LRFN5: variants seen among roughly 807,000 people sequenced by gnomAD.
The protein encoded by LRFN5 is leucine-rich repeat and fibronectin type-III domain-containing protein 5.
In LRFN5, 24 loss-of-function variants were observed where a neutral mutation model predicts 45.6. That is an observed-to-expected ratio of 0.53 (90% CI 0.38 to 0.74). LRFN5 has a LOEUF of 0.74. Among genes scored for constraint, LRFN5 ranks in the 30% least tolerant of loss-of-function variants. The pLI is 0.00. For missense variants in LRFN5, 776 were observed against 861.5 expected, an observed-to-expected ratio of 0.90 and a Z score of 1.24; for synonymous variants, 340 against 313.8, an observed-to-expected ratio of 1.08 and a Z score of -0.88.
intron 2 of LRFN5, among the ~76,000 whole-genome samples, chr14:41,839,441 G>A (rs1888782454): frequency 6.6e-6 from 1 of 152,068 alleles, no homozygotes; most frequent in Non-Finnish European, 1.5e-5. Flanking sequence ...TTTCAATAAT[G>A]ATGACTGCAT....
At chr14:41,689,751 C>T (rs1414798173) in intron 1 of LRFN5, among the ~76,000 whole-genome samples, 6 of 150,094 alleles carry the variant, frequency 4.0e-5, no homozygotes, top group Admixed American at 6.6e-5. Flanking sequence ...AAAAATTAGC[C>T]GGGCGTGATG....
chr14:41,858,943 G>A (rs1198173560), intron 2 of LRFN5, among the ~76,000 whole-genome samples: 1 of 152,190 alleles, frequency 6.6e-6, no homozygotes, highest in Non-Finnish European at 1.5e-5. Context: ...CTGCCCTGGA[G>A]TAATGGTCTA....
At chr14:41,720,311 C>G (rs1413948257) in intron 1 of LRFN5, among the ~76,000 whole-genome samples, 1 of 152,052 alleles carries the variant, frequency 6.6e-6, no homozygotes, top group Non-Finnish European at 1.5e-5. Context: ...TGTATATGTA[C>G]CACATTTTCT....
chr14:41,636,321 T>G (rs1208009132), intron 1 of LRFN5, among the ~76,000 whole-genome samples: 1 of 152,188 alleles, frequency 6.6e-6, no homozygotes, highest in Non-Finnish European at 1.5e-5. Context: ...CATTAGAATT[T>G]AGCAATTAGG....
chr14:41,747,377 C>A (rs1884963728), intron 1 of LRFN5, among the ~76,000 whole-genome samples: 1 of 151,926 alleles, frequency 6.6e-6, no homozygotes, highest in East Asian at 1.9e-4. Flanking sequence ...TAGAAACAAA[C>A]CCTTGCATGT....
intron 1 of LRFN5, among the ~76,000 whole-genome samples, chr14:41,729,636 A>C (rs1884083795): frequency 6.6e-6 from 1 of 151,956 alleles, no homozygotes; most frequent in Admixed American, 6.6e-5. Context: ...GTAATTTCAA[A>C]CCTTTTAAAA....
chr14:41,831,727 G>A (rs1309335038), intron 2 of LRFN5, among the ~76,000 whole-genome samples: 3 of 152,094 alleles, frequency 2.0e-5, no homozygotes, highest in Non-Finnish European at 4.4e-5. Context: ...TATGGCTCAA[G>A]GTAGTATTTG....
chr14:41,779,427 T>C (rs1886406279), intron 2 of LRFN5, among the ~76,000 whole-genome samples: 1 of 151,884 alleles, frequency 6.6e-6, no homozygotes, highest in Admixed American at 6.6e-5. Context: ...AGTTGGTCTA[T>C]AGATTTCCAT....
chr14:41,685,153 T>C (rs1882064933), intron 1 of LRFN5, among the ~76,000 whole-genome samples: 1 of 152,088 alleles, frequency 6.6e-6, no homozygotes, highest in Admixed American at 6.6e-5. Flanking sequence ...ATAACAAATG[T>C]AGTGAGGATG....
Position 41,709,942 on chromosome 14 carries a change from A to G in LRFN5, c.-196-56912A>G, listed in dbSNP as rs1883216858. Among the ~76,000 whole-genome samples, 3 of 152,074 alleles carry G rather than the reference A, an allele frequency of 2.0e-5. No individual in the cohort carries two copies. The South Asian group carries it at 6.2e-4, about 31-fold the overall frequency. On this transcript the variant is annotated intron_variant, in intron 1 of 5. Coordinates refer to ENST00000298119, the MANE Select transcript of LRFN5 (RefSeq NM_152447.5). ...TACCTAAATAAACAACCACCATCAA[A>G]TAAAAAGCATCAAACAATAATATTG... is the stretch of plus-strand genomic sequence containing the variant.
chr14:41,857,954 A>G (rs1336470845), intron 2 of LRFN5, among the ~76,000 whole-genome samples: 2 of 152,354 alleles, frequency 1.3e-5, no homozygotes, highest in South Asian at 2.1e-4. Flanking sequence ...GGCCAGGGTG[A>G]ATGGAATGTA....
intron 1 of LRFN5, among the ~76,000 whole-genome samples, chr14:41,720,340 A>G (rs2138768028): frequency 6.6e-6 from 1 of 152,240 alleles, no homozygotes; most frequent in African/African-American, 2.4e-5. Flanking sequence ...TCCACTGTTG[A>G]TGAGCACCTA....
chr14:41,811,625 C>T (rs1864413684), intron 2 of LRFN5, among the ~76,000 whole-genome samples: 3 of 152,020 alleles, frequency 2.0e-5, no homozygotes, highest in Admixed American at 2.0e-4. Context: ...CTACAAAGTG[C>T]ATGAATCTTC....
chr14:41,769,080 GA>G lies in LRFN5; in HGVS notation c.-21+2063del, dbSNP rs1324175478. On this transcript the variant is annotated intron_variant, in intron 2 of 5. Transcript: ENST00000298119. ...TGTCTTGCGTGAAATTAATCACTCT[GA>G]AAAAAAAAAAACAGAAAGTAAACAC... Among the ~76,000 whole-genome samples the G allele has an allele frequency of 2.0e-3, 270 of 137,016 alleles. 3 individuals carry two copies. Among genetic ancestry groups the G allele is most frequent in the African/African-American group, 4.4e-3 (166 of 37,454 alleles). The allele number at this position is 137,016 out of a possible 152,430, so 89.9% of individuals were successfully genotyped here. A position where few individuals can be genotyped will look rare whatever the true frequency, so the allele number is the denominator to read the frequency against.
At chr14:41,696,943 C>A (rs1335994918) in intron 1 of LRFN5, among the ~76,000 whole-genome samples, 1 of 151,930 alleles carries the variant, frequency 6.6e-6, no homozygotes, top group Non-Finnish European at 1.5e-5. Context: ...TACCTTGAAT[C>A]CTGGAGTAAA....
chr14:41,724,535 T>C (rs1883849859), intron 1 of LRFN5, among the ~76,000 whole-genome samples: 1 of 152,170 alleles, frequency 6.6e-6, no homozygotes, highest in Non-Finnish European at 1.5e-5. Flanking sequence ...CTAAAAACTG[T>C]TCATAAGCTC....
chr14:41,640,312 G>T (rs1452852644), intron 1 of LRFN5, among the ~76,000 whole-genome samples: 2 of 152,012 alleles, frequency 1.3e-5, no homozygotes, highest in Admixed American at 1.3e-4. Flanking sequence ...CACTTTTTAT[G>T]TCAAGCCAAG....
At chr14:41,655,894 T>C (rs568495578) in intron 1 of LRFN5, among the ~76,000 whole-genome samples, 2 of 152,040 alleles carry the variant, frequency 1.3e-5, no homozygotes, top group African/African-American at 4.8e-5. Context: ...ATATAAAGCA[T>C]ATTAAATTAT....
chr14:41,853,882 C>T (rs1889360542), intron 2 of LRFN5, among the ~76,000 whole-genome samples: 1 of 152,056 alleles, frequency 6.6e-6, no homozygotes, highest in Non-Finnish European at 1.5e-5. Context: ...CAACAGCAGT[C>T]ATAGCAACAA....
Sources: gnomAD v4.1 joint callset for allele counts (sites outside exome capture counted in the v4.1 genomes callset) on GRCh38, gnomAD v4.1.1 for gene constraint, MANE v1.5 for transcripts, NCBI Gene and HGNC (gene_info 2026-07-23, HGNC 2026-07-21) for gene names.